Variants in TCF12 observed in about 807,000 individuals in gnomAD.
The protein encoded by TCF12 is DNA-binding protein HTF4.
TCF12 carries 45 observed loss-of-function variants against 86.0 expected under a neutral mutation model. The ratio of observed to expected loss-of-function variants is 0.52; its 90% CI spans 0.41 to 0.67. The LOEUF (loss-of-function observed/expected upper bound fraction) is 0.67. Among genes scored for constraint, TCF12 ranks in the 30% least tolerant of loss-of-function variants. The probability of loss-of-function intolerance (pLI) is 0.00; values close to 1 mark genes in which losing one functional copy is unlikely to be tolerated. For missense variants in TCF12, 881 were observed against 859.9 expected, an observed-to-expected ratio of 1.02 and a Z score of -0.31; for synonymous variants, 330 against 299.6, an observed-to-expected ratio of 1.10 and a Z score of -1.05.
At chr15:57,253,146 C>T in intron 15 of TCF12, 116 bp from the exon 16 acceptor site, 1 of 1,124,644 alleles carries the variant, frequency 8.9e-7, no homozygotes, top group Non-Finnish European at 1.3e-6. Context: ...TTTGAAGCTA[C>T]TTGATACTGC....
intron 3 of TCF12, among the ~76,000 whole-genome samples, chr15:57,021,822 G>A (rs1395096268): frequency 7.9e-5 from 12 of 151,790 alleles, no homozygotes; most frequent in African/African-American, 2.9e-4. Context: ...ATGGAGGGCC[G>A]ACTTTTCCTA....
At chr15:56,970,801 G>C (rs201890018) in intron 3 of TCF12, among the ~76,000 whole-genome samples, 2 of 152,184 alleles carry the variant, frequency 1.3e-5, no homozygotes, top group East Asian at 3.9e-4. Context: ...TGTAATCTCA[G>C]CGCTTTGGGA....
intron 3 of TCF12, among the ~76,000 whole-genome samples, chr15:57,026,883 A>G (rs1165109203): frequency 6.6e-6 from 1 of 152,210 alleles, no homozygotes; most frequent in African/African-American, 2.4e-5. Flanking sequence ...ATCCTCCTAT[A>G]CAATTTAAAT....
At chr15:57,127,932 C>A (rs969462288) in intron 5 of TCF12, among the ~76,000 whole-genome samples, 6 of 152,142 alleles carry the variant, frequency 3.9e-5, no homozygotes, top group African/African-American at 1.4e-4. Context: ...ATATCTAATT[C>A]TGAAATGAGA....
intron 4 of TCF12, 138 bp downstream of exon 4, chr15:57,063,961 G>T: frequency 3.1e-6 from 2 of 647,490 alleles, no homozygotes; most frequent in Admixed American, 2.7e-5. Flanking sequence ...GTACCTTTTT[G>T]TTACATTTAG....
At chr15:57,121,537 G>A (rs573574966) in intron 5 of TCF12, among the ~76,000 whole-genome samples, 11 of 152,260 alleles carry the variant, frequency 7.2e-5, no homozygotes, top group East Asian at 5.8e-4. Flanking sequence ...GTCGAAAGGC[G>A]CACCTTCTTG....
chr15:57,240,988 C>T (rs1400215853), intron 12 of TCF12, among the ~76,000 whole-genome samples: 2 of 150,520 alleles, frequency 1.3e-5, no homozygotes, highest in South Asian at 4.2e-4. Flanking sequence ...TGAAATAAAT[C>T]AATGTATGTG....
intron 16 of TCF12, among the ~76,000 whole-genome samples, chr15:57,257,755 A>T (rs544062641): frequency 1.4e-3 from 209 of 151,832 alleles, no homozygotes; most frequent in Non-Finnish European, 2.7e-3. Context: ...GTCAGTGATC[A>T]AGGTTACTAG....
chr15:57,263,504 A>G (rs888053369), intron 18 of TCF12, among the ~76,000 whole-genome samples: 41 of 152,210 alleles, frequency 2.7e-4, no homozygotes, highest in African/African-American at 9.4e-4. Context: ...TTGAGGGACT[A>G]TATATAAAAT....
chr15:57,095,444 T>C (rs1255925113), intron 5 of TCF12, among the ~76,000 whole-genome samples: 1 of 152,240 alleles, frequency 6.6e-6, no homozygotes, highest in East Asian at 1.9e-4. Context: ...TCTCACAGAA[T>C]TGCCTGGCTT....
chr15:57,286,766 T>TG lies in TCF12; in HGVS notation c.*623dup. 2.5e-6 allele frequency: 1 copy of TG among 407,186 alleles called. No homozygotes were observed. The highest frequency in any genetic ancestry group is 4.8e-6 in the Non-Finnish European group (1 of 206,976). The allele number at this position is 407,186 out of a possible 1,614,324, so 25.2% of individuals were successfully genotyped here. A position where few individuals can be genotyped will look rare whatever the true frequency, so the allele number is the denominator to read the frequency against. On this transcript the variant is annotated 3_prime_UTR_variant, in exon 21 of 21. Transcript: ENST00000333725. ...TTCCATGAAATAGGAAAATATTACT[T>TG]GGTATAGCATTTCTCTTGCTCTCAT...
chr15:57,221,473 G>A (rs1224546396), intron 8 of TCF12, among the ~76,000 whole-genome samples: 2 of 150,826 alleles, frequency 1.3e-5, no homozygotes, highest in African/African-American at 4.9e-5. Context: ...AACTCAAAAT[G>A]AGTTTAGATT....
intron 13 of TCF12, among the ~76,000 whole-genome samples, chr15:57,250,900 A>G (rs1271430117): frequency 6.6e-6 from 1 of 151,978 alleles, no homozygotes; most frequent in East Asian, 1.9e-4. Context: ...TCTCAAAAAA[A>G]AAAAAGAAAA....
chr15:57,096,624 T>A (rs1230022509), intron 5 of TCF12, among the ~76,000 whole-genome samples: 1 of 152,150 alleles, frequency 6.6e-6, no homozygotes, highest in Non-Finnish European at 1.5e-5. Flanking sequence ...ACAATGTAAT[T>A]GCTGTGTAAA....
intron 2 of TCF12, 93 bp downstream of exon 2, chr15:56,920,081 A>G: frequency 1.4e-6 from 2 of 1,384,330 alleles, no homozygotes; most frequent in Middle Eastern, 1.8e-4. Context: ...AGGGGAAGCA[A>G]CGTGGAGACT....
At chr15:57,222,704 A>G (rs1366891742) in intron 8 of TCF12, among the ~76,000 whole-genome samples, 1 of 151,032 alleles carries the variant, frequency 6.6e-6, no homozygotes, top group Admixed American at 6.6e-5. Flanking sequence ...GAAAGTGAGA[A>G]AAAAGTCTTG....
chr15:57,286,550 GA>G lies in TCF12; in HGVS notation c.*410del. On this transcript the variant is annotated 3_prime_UTR_variant, in exon 21 of 21. Coordinates refer to ENST00000333725, the MANE Select transcript of TCF12 (RefSeq NM_207037.2). ...AAACTGTAAGGTCTACATATAAAGG[GA>G]AAAAGTTAATGTGGAAAGCTGATCT... 2.3e-6 allele frequency: 1 copy of G among 431,878 alleles called. No individual in the cohort carries two copies. The highest frequency in any genetic ancestry group is 4.6e-6 in the Non-Finnish European group (1 of 218,228). The allele number at this position is 431,878 out of a possible 1,614,324, so 26.8% of individuals were successfully genotyped here.
chr15:57,181,936 A>G (rs574112373), intron 6 of TCF12, among the ~76,000 whole-genome samples: 62 of 152,300 alleles, frequency 4.1e-4, no homozygotes, highest in African/African-American at 1.4e-3. Flanking sequence ...GACTGTATCT[A>G]TATTTTAGAT....
intron 8 of TCF12, among the ~76,000 whole-genome samples, chr15:57,208,748 T>G (rs1446497974): frequency 2.7e-5 from 4 of 150,870 alleles, no homozygotes; most frequent in African/African-American, 9.8e-5. Context: ...CAGTCTGTGG[T>G]CCAGGCTGGA....
Sources: gnomAD v4.1 joint callset for allele counts (sites outside exome capture counted in the v4.1 genomes callset) on GRCh38, gnomAD v4.1.1 for gene constraint, MANE v1.5 for transcripts, NCBI Gene and HGNC (gene_info 2026-07-23, HGNC 2026-07-21) for gene names.